Variants in SLC25A41 observed in about 807,000 individuals in gnomAD.
The protein encoded by SLC25A41 is mitochondrial carrier protein SCaMC-3L.
Under a neutral mutation model 34.7 loss-of-function variants are expected in SLC25A41, and 35 were observed. The observed-to-expected ratio is 1.01, with a 90% CI of 0.77 to 1.34. The LOEUF (loss-of-function observed/expected upper bound fraction) is 1.34. Ranked by LOEUF, SLC25A41 falls within the 40% of genes most tolerant of loss-of-function variation. The pLI, the probability that SLC25A41 is intolerant of heterozygous loss-of-function variation, is 0.00. For synonymous variants in SLC25A41, 190 were observed against 209.9 expected (o/e 0.91, Z 0.82); for missense variants, 492 against 489.8 (o/e 1.00, Z -0.04).
intron 4 of SLC25A41, among the ~76,000 whole-genome samples, chr19:6,429,318 G>A (rs1202807001): frequency 1.6e-5 from 1 of 64,090 alleles, no homozygotes; most frequent in Non-Finnish European, 3.6e-5. Context: ...AGATTGGAGA[G>A]GAGGAGAAAG....
At position 6,432,579 on chromosome 19, in the gene SLC25A41, GT is replaced by G. The variant is rs767319698; in HGVS notation, c.208-376del. Among the ~76,000 whole-genome samples the G allele has an allele frequency of 1.4e-4, 19 of 135,968 alleles. No individual in the cohort carries two copies. In the East Asian group the frequency reaches 2.8e-3, roughly 20 times the overall value. 89.2% of individuals were successfully genotyped at this position (135,968 alleles called of 152,430 possible). On this transcript the variant is annotated intron_variant, in intron 1 of 6. Transcript: ENST00000321510. The stretch of plus-strand genomic sequence containing the variant: ...TCAAGTGATTCAACCCTCCCCCCTG[GT>G]TTTTTTTTGTTTTGTTTTTGTTTTT...
chr19:6,426,489 C>T lies in SLC25A41; in HGVS notation c.1013G>A (p.Gly338Glu), dbSNP rs371333924. ...QRILAQQGWLGLYRGMTPTLL... is the reference protein window; with the variant it reads ...QRILAQQGWLELYRGMTPTLL... ...CGTGGGGGTCATGCCTCGGTACAGC[C>T]CTAGCCAGCCCTGCTGGGCCAGGAT... The change falls in exon 7 of 7, where the codon GGG (glycine) becomes GAG (glutamate). Residue 338 changes from glycine to glutamate, a missense_variant. Coordinates refer to ENST00000321510, the MANE Select transcript of SLC25A41 (RefSeq NM_173637.4). 1.9e-6 allele frequency: 3 copies of T among 1,613,490 alleles called. No individual in the cohort carries two copies. The highest frequency in any genetic ancestry group is 2.5e-6 in the Non-Finnish European group (3 of 1,179,850).
At position 6,429,790 on chromosome 19, in the gene SLC25A41, G is replaced by C. The variant is rs2092276434; in HGVS notation, c.558C>G (p.Phe186Leu). The change falls in exon 4 of 7, where the codon TTC (phenylalanine) becomes TTG (leucine). Residue 186 changes from phenylalanine (F) to leucine (L), a missense_variant. Coordinates refer to ENST00000321510, the MANE Select transcript of SLC25A41 (RefSeq NM_173637.4). ...YFCGIQGSPP[F>L]QERLLAGSLA... The stretch of plus-strand genomic sequence containing the variant: ...GGGAGCCAGCAAGGAGACGCTCCTG[G>C]AAGGGCGGGGACCCTTGTATTCCAC... 2 of 1,610,676 alleles carry C rather than the reference G, an allele frequency of 1.2e-6. No homozygotes were observed. Among genetic ancestry groups the C allele is most frequent in the Admixed American group, 3.4e-5 (2 of 59,016 alleles).
intron 1 of SLC25A41, 59 bp from the exon 2 acceptor site, chr19:6,432,263 C>T: frequency 2.5e-6 from 4 of 1,572,872 alleles, no homozygotes; most frequent in South Asian, 1.2e-5. Flanking sequence ...CTTCCCCAGA[C>T]ACACATCTAG....
intron 4 of SLC25A41, among the ~76,000 whole-genome samples, chr19:6,428,667 A>C (rs2092255608): frequency 6.8e-6 from 1 of 147,204 alleles, no homozygotes; most frequent in Non-Finnish European, 1.5e-5. Context: ...TTTACATAAT[A>C]AGTAAGGTAT....
intron 3 of SLC25A41, 38 bp from the exon 4 acceptor site, chr19:6,429,869 C>T: frequency 6.2e-7 from 1 of 1,601,074 alleles, no homozygotes. Flanking sequence ...AGAAGTCAGC[C>T]ACCCTCCGAC....
chr19:6,435,223 C>CA (rs1308581356), upstream of SLC25A41, among the ~76,000 whole-genome samples: 494 of 52,298 alleles, frequency 9.4e-3, 3 homozygotes, highest in African/African-American at 0.025. Flanking sequence ...GACCCTGTCT[C>CA]AAAAAAAAAA....
intron 2 of SLC25A41, 103 bp from the exon 3 acceptor site, chr19:6,430,264 C>T (rs2092279607): frequency 1.6e-6 from 2 of 1,271,576 alleles, no homozygotes; most frequent in Non-Finnish European, 1.1e-6. Context: ...GCCACCCAAC[C>T]CCAACCCATC....
At chr19:6,428,721 A>AT (rs914276931) in intron 4 of SLC25A41, among the ~76,000 whole-genome samples, 16 of 144,254 alleles carry the variant, frequency 1.1e-4, no homozygotes, top group South Asian at 6.4e-4. Context: ...ATATATATAT[A>AT]TTTTTTTTGA....
chr19:6,429,570 AGAG>A (rs151022657), intron 4 of SLC25A41, among the ~76,000 whole-genome samples, 151 bp downstream of exon 4: 1,508 of 38,200 alleles, frequency 0.039, 33 homozygotes, highest in African/African-American at 0.13. Flanking sequence ...GAGGGGAGAC[AGAG>A]GAGGAAGAGG....
chr19:6,428,719 A>ATT (rs201099457), intron 4 of SLC25A41, among the ~76,000 whole-genome samples: 2 of 144,286 alleles, frequency 1.4e-5, no homozygotes, highest in Non-Finnish European at 3.0e-5. Flanking sequence ...ATATATATAT[A>ATT]TATTTTTTTT....
chr19:6,427,077 GT>G lies in SLC25A41; in HGVS notation c.940+25del, dbSNP rs1443450182. 8 of 1,577,144 alleles carry G rather than the reference GT, an allele frequency of 5.1e-6. No individual in the cohort carries two copies. The African/African-American group carries it at 1.1e-4, about 21-fold the overall frequency. On this transcript the variant is annotated intron_variant, in intron 6 of 6. Coordinates refer to ENST00000321510, the MANE Select transcript of SLC25A41 (RefSeq NM_173637.4). This position sits in a 1 kb window ranked among gnomAD's most constrained non-coding sequence, Gnocchi z 4.9. ...AGGGTGGGGCGGGGAAGGGGCATGC[GT>G]GGTGGCCGCTGGGGACAGGCTGACC...
At position 6,426,217 on chromosome 19, in the gene SLC25A41, C is replaced by T. The variant is rs1439408916; in HGVS notation, c.*172G>A. 2 of 624,990 alleles carry T rather than the reference C, an allele frequency of 3.2e-6. No individual in the cohort carries two copies. The highest frequency in any genetic ancestry group is 5.1e-6 in the Non-Finnish European group (2 of 391,404). 38.7% of individuals were successfully genotyped at this position (624,990 alleles called of 1,614,324 possible). A position where few individuals can be genotyped will look rare whatever the true frequency, so the allele number is the denominator to read the frequency against. On this transcript the variant is annotated 3_prime_UTR_variant, in exon 7 of 7. Transcript: ENST00000321510. ...CTGCCCCCCTCCACCCACCACCAAC[C>T]CCAGCTTCAGGAATCTTCTGACCCA...
Position 6,426,292 on chromosome 19 carries a change from G to C in SLC25A41, c.*97C>G. ...GCTTTTGCCACCAAAAACTGCCCCA[G>C]GGCCTGAACCTTGAGGCCTCGAGGG... On this transcript the variant is annotated 3_prime_UTR_variant, in exon 7 of 7. Transcript: ENST00000321510. The C allele has an allele frequency of 1.7e-5, 14 of 822,224 alleles. No individual in the cohort carries two copies. Among genetic ancestry groups the C allele is most frequent in the Non-Finnish European group, 1.9e-5 (12 of 626,012 alleles). 50.9% of individuals were successfully genotyped at this position (822,224 alleles called of 1,614,324 possible).
upstream of SLC25A41, among the ~76,000 whole-genome samples, chr19:6,435,238 GAA>G (rs550630442): frequency 0.021 from 2,504 of 118,482 alleles, 33 homozygotes; most frequent in South Asian, 0.05. Flanking sequence ...AAAAAAAAAA[GAA>G]AAAAAAAAAA....
chr19:6,430,222 GC>G (rs2092279385), intron 2 of SLC25A41, 61 bp from the exon 3 acceptor site: 2 of 1,510,898 alleles, frequency 1.3e-6, no homozygotes, highest in African/African-American at 1.4e-5. Context: ...CCCCATCCCT[GC>G]CCCAAGCGCA....
Position 6,427,289 on chromosome 19 carries a change from C to T in SLC25A41, c.793-39G>A. On this transcript the variant is annotated intron_variant, in intron 5 of 6. Coordinates refer to ENST00000321510, the MANE Select transcript of SLC25A41 (RefSeq NM_173637.4). The surrounding 1 kb of genome is among the most constrained non-coding windows in gnomAD (Gnocchi z 4.9). ...GGGCCAGGAGAAAGCTCACTAGGAG[C>T]CTGGGCTCCGGCCAGCCCTGCCACC... The T allele has an allele frequency of 6.2e-7, 1 of 1,608,242 alleles. No individual in the cohort carries two copies. The highest frequency in any genetic ancestry group is 8.5e-7 in the Non-Finnish European group (1 of 1,176,632).
rs1263855983 is a variant in SLC25A41, at chr19:6,429,073, TA to T, written c.624+650del. On this transcript the variant is annotated intron_variant, in intron 4 of 6. Coordinates refer to ENST00000321510, the MANE Select transcript of SLC25A41 (RefSeq NM_173637.4). ...ATTATATATATGTTATATATATATA[TA>T]ATATATATATTATATATATGTTACA... Among the ~76,000 whole-genome samples the T allele has an allele frequency of 1.5e-4, 9 of 59,766 alleles. 2 individuals carry two copies. Among genetic ancestry groups the T allele is most frequent in the Admixed American group, 6.5e-4 (2 of 3,066 alleles). The allele number at this position is 59,766 out of a possible 152,430, so 39.2% of individuals were successfully genotyped here.
chr19:6,426,661 C>A, intron 6 of SLC25A41, 100 bp from the exon 7 acceptor site: 1 of 1,331,810 alleles, frequency 7.5e-7, no homozygotes, highest in Non-Finnish European at 1.0e-6. Context: ...GGGTAGGGGC[C>A]CCAGGGGTCA....
Sources: gnomAD v4.1 joint callset for allele counts (sites outside exome capture counted in the v4.1 genomes callset) on GRCh38, gnomAD v4.1.1 for gene constraint, Gnocchi (gnomAD v3.1) non-coding constraint, MANE v1.5 for transcripts, NCBI Gene and HGNC (gene_info 2026-07-23, HGNC 2026-07-21) for gene names.